AGMO: variants seen among roughly 807,000 people sequenced by gnomAD.
AGMO encodes glyceryl-ether monooxygenase.
Under a neutral mutation model 60.2 loss-of-function variants are expected in AGMO, and 75 were observed. The observed-to-expected ratio is 1.25, with a 90% CI of 1.03 to 1.51. AGMO has a LOEUF of 1.51. AGMO is among the 40% of genes most tolerant of loss of function. The pLI is 0.00. For synonymous variants in AGMO, 261 were observed against 177.1 expected, an observed-to-expected ratio of 1.47 and a Z score of -3.76; for missense variants, 763 against 525.5, an observed-to-expected ratio of 1.45 and a Z score of -4.42.
At chr7:15,192,314 A>G in the AGMO span, among the ~76,000 whole-genome samples, 5 of 151,884 alleles carry the variant, frequency 3.3e-5, no homozygotes, top group South Asian at 2.1e-4. Context: ...CTCCACAAGC[A>G]AAAGAGTGGA....
At chr7:15,522,483 T>A (rs537174899) in intron 3 of AGMO, among the ~76,000 whole-genome samples, 1 of 152,238 alleles carries the variant, frequency 6.6e-6, no homozygotes, top group African/African-American at 2.4e-5. Flanking sequence ...AACAGCATGG[T>A]ACTAGTACCA....
chr7:15,334,566 A>G (rs1200032108), intron 12 of AGMO, among the ~76,000 whole-genome samples: 2 of 152,146 alleles, frequency 1.3e-5, no homozygotes, highest in Non-Finnish European at 2.9e-5. Context: ...GCTTTGCCCA[A>G]CTTCAAAGCA....
intron 5 of AGMO, among the ~76,000 whole-genome samples, chr7:15,403,912 G>C (rs1784621829): frequency 6.6e-6 from 1 of 151,910 alleles, no homozygotes; most frequent in Non-Finnish European, 1.5e-5. Flanking sequence ...AGAACTCTTA[G>C]GATATGTGCT....
Position 15,369,300 on chromosome 7 carries a change from T to C in AGMO, c.1075-3078A>G, listed in dbSNP as rs961729449. The stretch of plus-strand genomic sequence containing the variant: ...GCATGCAGAGTGATCCTTTTAAGCT[T>C]ATGTGAGATCATGTCACACATGTTC... On this transcript the variant is annotated intron_variant, in intron 10 of 12. Transcript: ENST00000342526. Among the ~76,000 whole-genome samples the C allele has an allele frequency of 6.6e-5, 10 of 152,190 alleles. No individual in the cohort carries two copies. In the East Asian group the frequency reaches 7.7e-4, roughly 12 times the overall value.
At chr7:15,298,766 C>A (rs958888472) in intron 12 of AGMO, among the ~76,000 whole-genome samples, 16 of 152,124 alleles carry the variant, frequency 1.1e-4, no homozygotes, top group African/African-American at 3.9e-4. Flanking sequence ...TCATACCTGC[C>A]TCCAATCTAA....
At chr7:15,483,755 C>T (rs1166416051) in intron 3 of AGMO, among the ~76,000 whole-genome samples, 1 of 152,042 alleles carries the variant, frequency 6.6e-6, no homozygotes, top group Non-Finnish European at 1.5e-5. Context: ...TAAACACTCA[C>T]AAATTGATTT....
At chr7:15,194,960 T>C in the AGMO span, among the ~76,000 whole-genome samples, 1 of 152,142 alleles carries the variant, frequency 6.6e-6, no homozygotes. Context: ...GTTAGTTGCA[T>C]TTGTCTAATG....
At chr7:15,512,948 T>C (rs1191298548) in intron 3 of AGMO, among the ~76,000 whole-genome samples, 4 of 152,206 alleles carry the variant, frequency 2.6e-5, no homozygotes, top group African/African-American at 9.6e-5. Context: ...TCAATTCCAT[T>C]TTCATAATTC....
the AGMO span, among the ~76,000 whole-genome samples, chr7:15,186,388 C>T: frequency 2.0e-5 from 3 of 152,318 alleles, no homozygotes; most frequent in East Asian, 5.8e-4. Context: ...AGCCCTTTGG[C>T]TCCTGATGTT....
chr7:15,389,107 C>T (rs1784038989), intron 8 of AGMO, among the ~76,000 whole-genome samples: 1 of 152,192 alleles, frequency 6.6e-6, no homozygotes, highest in African/African-American at 2.4e-5. Context: ...CAAGACTGTA[C>T]ACTCCCAAAG....
In AGMO at chr7:15,237,159, C is replaced by G. The variant is rs572328117; in HGVS notation, c.1264-35800G>C. On this transcript the variant is annotated intron_variant, in intron 12 of 12. Transcript: ENST00000342526. Reference sequence around the variant, plus strand: ...AGCTCCGTATGTGCATATATTCACACCAGACAGTAGACAGAGAACAAGAGG... The same window carrying G: ...AGCTCCGTATGTGCATATATTCACAGCAGACAGTAGACAGAGAACAAGAGG... 5.8e-4 allele frequency among the ~76,000 whole-genome samples: 88 copies of G among 152,120 alleles called. 2 individuals are homozygous for G. The South Asian group carries it at 0.012, about 20-fold the overall frequency.
intron 12 of AGMO, among the ~76,000 whole-genome samples, chr7:15,298,629 T>C (rs942071425): frequency 3.3e-5 from 5 of 152,116 alleles, no homozygotes; most frequent in Non-Finnish European, 7.4e-5. Flanking sequence ...CTTGAACCCC[T>C]GGGCTTCAAC....
At chr7:15,430,933 T>TTTA in intron 4 of AGMO, 72 bp downstream of exon 4, 1 of 788,668 alleles carries the variant, frequency 1.3e-6, no homozygotes, top group African/African-American at 1.8e-5. Context: ...TTTTTTTTTT[T>TTTA]GAGGAAATAG....
intron 12 of AGMO, among the ~76,000 whole-genome samples, chr7:15,336,552 C>A (rs369674123): frequency 6.6e-6 from 1 of 152,054 alleles, no homozygotes; most frequent in Admixed American, 6.6e-5. Flanking sequence ...TACACAATTG[C>A]GTGTTCCTAG....
rs780336320 is a variant in AGMO, at chr7:15,342,779, CAAAAAAA to C, written c.1263+22728_1263+22734del. ...TTTATGTGGGAGTACAGTATAGCTGCAAAAAAAAAAAAAAAAAAAAAAAAAATTGATC... is the reference window on the plus strand; with the variant it reads ...TTTATGTGGGAGTACAGTATAGCTGCAAAAAAAAAAAAAAAAAAATTGATC... On this transcript the variant is annotated intron_variant, in intron 12 of 12. Coordinates refer to ENST00000342526, the MANE Select transcript of AGMO (RefSeq NM_001004320.2). Among the ~76,000 whole-genome samples the C allele has an allele frequency of 1.5e-3, 95 of 61,660 alleles. 1 individual carries two copies. The highest frequency in any genetic ancestry group is 2.1e-3 in the Non-Finnish European group (78 of 36,500). 40.5% of individuals were successfully genotyped at this position (61,660 alleles called of 152,430 possible). A position where few individuals can be genotyped will look rare whatever the true frequency, so the allele number is the denominator to read the frequency against.
At chr7:15,272,184 G>A (rs1783631810) in intron 12 of AGMO, among the ~76,000 whole-genome samples, 1 of 151,594 alleles carries the variant, frequency 6.6e-6, no homozygotes, top group South Asian at 2.1e-4. Context: ...GCACAACGTG[G>A]TTTGTTACAT....
intron 5 of AGMO, among the ~76,000 whole-genome samples, chr7:15,410,810 A>G (rs1253965633): frequency 1.3e-5 from 2 of 151,924 alleles, no homozygotes; most frequent in Non-Finnish European, 2.9e-5. Context: ...TGTTACTATG[A>G]CTGTAAACTT....
intron 3 of AGMO, among the ~76,000 whole-genome samples, chr7:15,533,365 CAAT>C (rs1297696516): frequency 1.3e-5 from 2 of 152,016 alleles, no homozygotes; most frequent in Non-Finnish European, 2.9e-5. Flanking sequence ...TAATCTATGA[CAAT>C]AACAATGTAC....
intron 3 of AGMO, among the ~76,000 whole-genome samples, chr7:15,431,448 T>G (rs900407927): frequency 1.3e-5 from 2 of 151,886 alleles, no homozygotes; most frequent in African/African-American, 4.8e-5. Context: ...GGTAATGTTG[T>G]GACAATACAT....
Sources: allele counts gnomAD v4.1 joint callset (sites outside exome capture counted in the v4.1 genomes callset), GRCh38; gene constraint gnomAD v4.1.1; transcripts MANE v1.5; gene names NCBI Gene and HGNC (gene_info 2026-07-23, HGNC 2026-07-21).